Variants in SH3PXD2A observed in about 807,000 individuals in gnomAD.
SH3PXD2A encodes the protein SH3 and PX domains 2A, also known as SH3 and PX domain-containing protein 2A.
SH3PXD2A carries 32 observed loss-of-function variants against 115.2 expected under a neutral mutation model. The observed-to-expected ratio is 0.28, with a 90% CI of 0.21 to 0.37. The LOEUF (loss-of-function observed/expected upper bound fraction) is 0.37, where lower values mean the gene tolerates loss of function less well. Ranked by LOEUF, SH3PXD2A falls within the 10% of genes least tolerant of loss-of-function variation. SH3PXD2A has a pLI of 1.00. For synonymous variants in SH3PXD2A, 610 were observed against 629.1 expected (o/e 0.97, Z 0.45); for missense variants, 1,328 against 1,498.7 (o/e 0.89, Z 1.88).
At chr10:103,768,793 G>A (rs1298543258) in intron 2 of SH3PXD2A, among the ~76,000 whole-genome samples, 1 of 152,152 alleles carries the variant, frequency 6.6e-6, no homozygotes, top group Non-Finnish European at 1.5e-5. Flanking sequence ...CCAAGGCTGG[G>A]TAATTTATCA....
At position 103,666,690 on chromosome 10, in the gene SH3PXD2A, A is replaced by G. The variant is rs2037387582; in HGVS notation, c.472+1918T>C. ...TTAGTGTCATCTGGAAACAGGAACA[A>G]TAGCAGTTCCTACCTCATGGGAATT... On this transcript the variant is annotated intron_variant, in intron 7 of 14. Transcript: ENST00000369774. The surrounding 1 kb of genome is among the most constrained non-coding windows in gnomAD (Gnocchi z 4.5). Among the ~76,000 whole-genome samples the G allele has an allele frequency of 6.6e-6, 1 of 152,242 alleles. No individual in the cohort carries two copies. Among genetic ancestry groups the G allele is most frequent in the Non-Finnish European group, 1.5e-5 (1 of 68,044 alleles).
intron 3 of SH3PXD2A, among the ~76,000 whole-genome samples, chr10:103,750,789 T>C (rs1387192554): frequency 6.6e-6 from 1 of 152,008 alleles, no homozygotes; most frequent in Admixed American, 6.6e-5. Flanking sequence ...CGGGCTTTTT[T>C]TGTTTCTTTT....
Position 103,627,049 on chromosome 10 carries a change from G to A in SH3PXD2A, c.718+40C>T. ...AAGAGTGAGAGAGCTGCCTCCAGAG[G>A]CCGCGTTGCTCCCTGCCCCTTGGAC... On this transcript the variant is annotated intron_variant, in intron 9 of 14. Transcript: ENST00000369774. This position sits in a 1 kb window ranked among gnomAD's most constrained non-coding sequence, Gnocchi z 4.4. 1 of 1,113,694 alleles carries A rather than the reference G, an allele frequency of 9.0e-7. No homozygotes were observed. Among genetic ancestry groups the A allele is most frequent in the South Asian group, 1.2e-5 (1 of 80,282 alleles). 69.0% of individuals were successfully genotyped at this position (1,113,694 alleles called of 1,614,324 possible).
At chr10:103,660,936 G>A (rs1265891004) in intron 8 of SH3PXD2A, 47 bp downstream of exon 8, 9 of 1,607,510 alleles carry the variant, frequency 5.6e-6, no homozygotes, top group Middle Eastern at 3.3e-4. Context: ...CTCGGCCCGG[G>A]GGCCAGACCG....
intron 6 of SH3PXD2A, among the ~76,000 whole-genome samples, chr10:103,687,435 T>G (rs1329456709): frequency 6.6e-6 from 1 of 152,200 alleles, no homozygotes; most frequent in African/African-American, 2.4e-5. Context: ...GACTGGCAAG[T>G]TGTCGGCCTA....
intron 6 of SH3PXD2A, among the ~76,000 whole-genome samples, chr10:103,684,172 G>C (rs2037646256): frequency 6.6e-6 from 1 of 152,040 alleles, no homozygotes; most frequent in African/African-American, 2.4e-5. Context: ...CTGTGCTTCA[G>C]GACAGCCCTC....
chr10:103,626,799 G>C (rs533469072), intron 9 of SH3PXD2A, among the ~76,000 whole-genome samples: 2 of 151,824 alleles, frequency 1.3e-5, no homozygotes, highest in East Asian at 1.9e-4. Context: ...TAAGAAAAAG[G>C]GGGGTGGGTG....
chr10:103,662,159 G>T (rs2037315918), intron 7 of SH3PXD2A, among the ~76,000 whole-genome samples: 1 of 152,136 alleles, frequency 6.6e-6, no homozygotes, highest in South Asian at 2.1e-4. Flanking sequence ...AGGGAGGGCA[G>T]GTGGACTCCC....
intron 4 of SH3PXD2A, among the ~76,000 whole-genome samples, chr10:103,728,660 C>G (rs56270087): frequency 0.018 from 2,778 of 152,280 alleles, 31 homozygotes; most frequent in Non-Finnish European, 0.032. Context: ...ATCACAAAGC[C>G]TCTGAGAAAT....
At chr10:103,820,393 G>C (rs2039366006) in intron 1 of SH3PXD2A, among the ~76,000 whole-genome samples, 1 of 152,190 alleles carries the variant, frequency 6.6e-6, no homozygotes, top group Non-Finnish European at 1.5e-5. Context: ...CTGGAGAAGA[G>C]TCCTGCGCAG....
At chr10:103,686,748 T>A (rs1014358837) in intron 6 of SH3PXD2A, among the ~76,000 whole-genome samples, 1 of 148,264 alleles carries the variant, frequency 6.7e-6, no homozygotes, top group Non-Finnish European at 1.5e-5. Flanking sequence ...CTGGGGAATT[T>A]TTTTTTTTTT....
intron 3 of SH3PXD2A, among the ~76,000 whole-genome samples, chr10:103,750,579 A>C (rs2038564738): frequency 6.6e-6 from 1 of 152,140 alleles, no homozygotes; most frequent in Non-Finnish European, 1.5e-5. Context: ...GAGCCCCCTG[A>C]GCGATTCTCA....
At chr10:103,838,024 G>C (rs2134313415) in intron 1 of SH3PXD2A, among the ~76,000 whole-genome samples, 1 of 152,256 alleles carries the variant, frequency 6.6e-6, no homozygotes, top group South Asian at 2.1e-4. Flanking sequence ...CAACCAACAA[G>C]GGAGGCATGG....
intron 8 of SH3PXD2A, among the ~76,000 whole-genome samples, chr10:103,642,639 C>A (rs2036972138): frequency 6.6e-6 from 1 of 152,010 alleles, no homozygotes; most frequent in African/African-American, 2.4e-5. Flanking sequence ...GTATTTACTA[C>A]CAGTGTTGTG....
chr10:103,614,538 G>T (rs2036479134), intron 11 of SH3PXD2A, among the ~76,000 whole-genome samples: 1 of 152,136 alleles, frequency 6.6e-6, no homozygotes, highest in African/African-American at 2.4e-5. Flanking sequence ...AAATGATAGG[G>T]CTGACTTAAT....
intron 5 of SH3PXD2A, among the ~76,000 whole-genome samples, chr10:103,714,033 G>A (rs953548181): frequency 6.6e-6 from 1 of 152,208 alleles, no homozygotes; most frequent in Non-Finnish European, 1.5e-5. Flanking sequence ...GGTCCCAGTG[G>A]CCGAAGACCC....
chr10:103,687,518 C>T (rs964462421), intron 6 of SH3PXD2A, among the ~76,000 whole-genome samples: 10 of 152,144 alleles, frequency 6.6e-5, no homozygotes, highest in Non-Finnish European at 1.0e-4. Context: ...AGGCCCACAT[C>T]CAATCATCAG....
At chr10:103,744,587 G>A (rs558901989) in intron 3 of SH3PXD2A, among the ~76,000 whole-genome samples, 1 of 152,326 alleles carries the variant, frequency 6.6e-6, no homozygotes, top group Admixed American at 6.5e-5. Context: ...GACATCCCCA[G>A]AGTCTACAGC....
intron 6 of SH3PXD2A, among the ~76,000 whole-genome samples, chr10:103,681,772 G>A (rs2078244): frequency 0.42 from 63,699 of 151,688 alleles, 13,649 homozygotes; most frequent in East Asian, 0.62. Context: ...GCGCGCGCGC[G>A]CACACACACA....
Sources: gnomAD v4.1 joint callset for allele counts (sites outside exome capture counted in the v4.1 genomes callset) on GRCh38, gnomAD v4.1.1 for gene constraint, Gnocchi (gnomAD v3.1) non-coding constraint, MANE v1.5 for transcripts, NCBI Gene and HGNC (gene_info 2026-07-23, HGNC 2026-07-21) for gene names.